The following ANKRD22 variants were observed in gnomAD, a reference collection of about 807,000 sequenced individuals.
The protein encoded by ANKRD22 is ankyrin repeat domain-containing protein 22.
In ANKRD22, 24 loss-of-function variants were observed where a neutral mutation model predicts 25.7. The ratio of observed to expected loss-of-function variants is 0.93; its 90% CI spans 0.68 to 1.31. The LOEUF is 1.31. Ranked by LOEUF, ANKRD22 falls within the 50% of genes most tolerant of loss-of-function variation. ANKRD22 has a pLI of 0.00. For missense variants in ANKRD22, 214 were observed against 227.1 expected, an observed-to-expected ratio of 0.94 and a Z score of 0.37; for synonymous variants, 84 against 84.3, an observed-to-expected ratio of 1.00 and a Z score of 0.02.
intron 1 of ANKRD22, among the ~76,000 whole-genome samples, chr10:88,849,783 T>C (rs1448270495): frequency 6.6e-6 from 1 of 152,162 alleles, no homozygotes; most frequent in Non-Finnish European, 1.5e-5. Flanking sequence ...AAGTCCATCT[T>C]ACGCAGTTGG....
At chr10:88,838,968 C>T (rs1843980365) in intron 1 of ANKRD22, among the ~76,000 whole-genome samples, 1 of 152,176 alleles carries the variant, frequency 6.6e-6, no homozygotes, top group South Asian at 2.1e-4. Flanking sequence ...GTGAACAGCG[C>T]TCCCTAGAGC....
chr10:88,845,407 T>G lies in ANKRD22; in HGVS notation c.21+6180A>C, dbSNP rs1473360502. 2.0e-5 allele frequency among the ~76,000 whole-genome samples: 3 copies of G among 152,136 alleles called. No individual in the cohort carries two copies. The East Asian group carries it at 5.8e-4, about 29-fold the overall frequency. ...ATACCATGTATATGCAGACAACTCC[T>G]AAATTATTATCTCTTGCCCGAGCCT... is the stretch of plus-strand genomic sequence containing the variant. On this transcript the variant is annotated intron_variant, in intron 1 of 5. Coordinates refer to ENST00000371930, the MANE Select transcript of ANKRD22 (RefSeq NM_144590.3).
Position 88,821,236 on chromosome 10 carries a change from A to C in ANKRD22, c.*1705T>G, listed in dbSNP as rs547827556. On this transcript the variant is annotated 3_prime_UTR_variant, in exon 6 of 6. Coordinates refer to ENST00000371930, the MANE Select transcript of ANKRD22 (RefSeq NM_144590.3). Reference sequence around the variant, plus strand: ...TTCTGGCTCAATTTTCTGCCTCCAAAAATTAAAAGCTAGGGAGAAAATTGC... The same window carrying C: ...TTCTGGCTCAATTTTCTGCCTCCAACAATTAAAAGCTAGGGAGAAAATTGC... Among the ~76,000 whole-genome samples the C allele has an allele frequency of 6.6e-6, 1 of 152,366 alleles. No individual in the cohort carries two copies. The highest frequency in any genetic ancestry group is 2.4e-5 in the African/African-American group (1 of 41,586).
At chr10:88,851,469 C>A in intron 1 of ANKRD22, 118 bp downstream of exon 1, 1 of 1,086,250 alleles carries the variant, frequency 9.2e-7, no homozygotes, top group South Asian at 1.3e-5. Flanking sequence ...ACTTAATGCT[C>A]CCCCAGGGAG....
At chr10:88,845,149 T>C (rs1844036352) in intron 1 of ANKRD22, among the ~76,000 whole-genome samples, 1 of 152,096 alleles carries the variant, frequency 6.6e-6, no homozygotes, top group Admixed American at 6.6e-5. Context: ...CTCCCTAAGT[T>C]TTCAATGTTG....
At chr10:88,839,180 G>A (rs968395384) in intron 1 of ANKRD22, among the ~76,000 whole-genome samples, 2 of 152,096 alleles carry the variant, frequency 1.3e-5, no homozygotes, top group African/African-American at 4.8e-5. Context: ...GCCAGATCAA[G>A]TATCAGCCCA....
intron 1 of ANKRD22, among the ~76,000 whole-genome samples, chr10:88,851,254 C>A (rs767900479): frequency 6.6e-6 from 1 of 152,058 alleles, no homozygotes; most frequent in African/African-American, 2.4e-5. Flanking sequence ...ACAATTTTCT[C>A]TTTTTCTCTG....
chr10:88,828,731 C>T, intron 2 of ANKRD22, 65 bp from the exon 3 acceptor site: 1 of 1,248,746 alleles, frequency 8.0e-7, no homozygotes, highest in Non-Finnish European at 1.1e-6. Context: ...TTCAGATGGC[C>T]ATCTCAAAAA....
intron 1 of ANKRD22, among the ~76,000 whole-genome samples, chr10:88,838,470 G>A (rs530520464): frequency 6.6e-6 from 1 of 152,302 alleles, no homozygotes; most frequent in South Asian, 2.1e-4. Flanking sequence ...GTTCGTACAT[G>A]TGGTCTATTA....
At chr10:88,827,135 C>G (rs1843862804) in intron 3 of ANKRD22, among the ~76,000 whole-genome samples, 1 of 152,188 alleles carries the variant, frequency 6.6e-6, no homozygotes, top group Non-Finnish European at 1.5e-5. Flanking sequence ...CTGTCATCAC[C>G]TGGGAAGCTC....
Position 88,820,356 on chromosome 10 carries a change from TC to T in ANKRD22, c.*2584del. Reference sequence around the variant, plus strand: ...CTGCTCTCTGAGGTGACCAACCTCATCTACCATAAGAATATTCCTGAATGGG... The same window carrying T: ...CTGCTCTCTGAGGTGACCAACCTCATTACCATAAGAATATTCCTGAATGGG... On this transcript the variant is annotated 3_prime_UTR_variant, in exon 6 of 6. Transcript: ENST00000371930. 6.4e-7 allele frequency: 1 copy of T among 1,552,322 alleles called. No individual in the cohort carries two copies. Among genetic ancestry groups the T allele is most frequent in the Non-Finnish European group, 8.7e-7 (1 of 1,147,124 alleles).
intron 5 of ANKRD22, 74 bp downstream of exon 5, chr10:88,823,206 T>C: frequency 7.2e-7 from 1 of 1,379,660 alleles, no homozygotes; most frequent in African/African-American, 1.4e-5. Flanking sequence ...GCAAATAATT[T>C]ACTTCAACAT....
intron 1 of ANKRD22, 98 bp from the exon 2 acceptor site, chr10:88,832,124 G>A (rs1843910114): frequency 2.3e-6 from 3 of 1,297,618 alleles, no homozygotes; most frequent in Non-Finnish European, 3.2e-6. Context: ...AAATTTAAAT[G>A]TTTTAAAATT....
At chr10:88,834,818 C>T (rs979600224) in intron 1 of ANKRD22, among the ~76,000 whole-genome samples, 3 of 152,040 alleles carry the variant, frequency 2.0e-5, no homozygotes, top group Non-Finnish European at 4.4e-5. Flanking sequence ...TGTCTGGTGC[C>T]TATAATCCCA....
intron 1 of ANKRD22, among the ~76,000 whole-genome samples, chr10:88,841,274 C>T (rs146229569): frequency 1.6e-4 from 24 of 152,128 alleles, no homozygotes; most frequent in Non-Finnish European, 3.2e-4. Flanking sequence ...CCCTGATATT[C>T]CCCTACTACC....
intron 1 of ANKRD22, among the ~76,000 whole-genome samples, chr10:88,833,691 G>A (rs1843927430): frequency 6.6e-6 from 1 of 152,136 alleles, no homozygotes; most frequent in Admixed American, 6.5e-5. Flanking sequence ...GCAATTAAAG[G>A]CAAACTTCTG....
intron 1 of ANKRD22, among the ~76,000 whole-genome samples, chr10:88,839,376 C>T (rs1843983864): frequency 1.3e-5 from 2 of 152,176 alleles, no homozygotes; most frequent in Middle Eastern, 3.2e-3. Context: ...TAAAGTGCCC[C>T]TCAGTGGGCC....
At chr10:88,835,390 T>A (rs929829932) in intron 1 of ANKRD22, among the ~76,000 whole-genome samples, 1 of 152,184 alleles carries the variant, frequency 6.6e-6, no homozygotes, top group Admixed American at 6.5e-5. Flanking sequence ...ACAACAGGGA[T>A]ACGTTCTGAG....
intron 1 of ANKRD22, among the ~76,000 whole-genome samples, chr10:88,833,527 C>G (rs1181921082): frequency 6.6e-6 from 1 of 152,048 alleles, no homozygotes; most frequent in Non-Finnish European, 1.5e-5. Flanking sequence ...CCTGTGGAAA[C>G]TGGGACGTAT....
Sources: gnomAD v4.1 joint callset for allele counts (sites outside exome capture counted in the v4.1 genomes callset) on GRCh38, gnomAD v4.1.1 for gene constraint, MANE v1.5 for transcripts, NCBI Gene and HGNC (gene_info 2026-07-23, HGNC 2026-07-21) for gene names.